The following HDAC9 variants were observed in gnomAD, a reference collection of about 807,000 sequenced individuals.
HDAC9 encodes MEF-2 interacting transcription repressor (MITR) protein.
In HDAC9, 41 loss-of-function variants were observed where a neutral mutation model predicts 139.4. That is an observed-to-expected ratio of 0.29 (90% confidence interval 0.23 to 0.38). The LOEUF (loss-of-function observed/expected upper bound fraction) is 0.38, where lower values mean the gene tolerates loss of function less well. Among genes scored for constraint, HDAC9 ranks in the 10% least tolerant of loss-of-function variants. The pLI, the probability that HDAC9 is intolerant of heterozygous loss-of-function variation, is 1.00. For synonymous variants in HDAC9, 517 were observed against 476.2 expected, an observed-to-expected ratio of 1.09 and a Z score of -1.12; for missense variants, 1,147 against 1,297.0, an observed-to-expected ratio of 0.88 and a Z score of 1.78.
chr7:18,901,929 C>G (rs1215867939), intron 22 of HDAC9, among the ~76,000 whole-genome samples: 1 of 152,182 alleles, frequency 6.6e-6, no homozygotes, highest in Non-Finnish European at 1.5e-5. Flanking sequence ...CAAGTTTTGT[C>G]TGGCCTTACC....
intron 21 of HDAC9, among the ~76,000 whole-genome samples, chr7:18,854,783 A>G (rs1171977412): frequency 1.3e-5 from 2 of 152,154 alleles, no homozygotes; most frequent in African/African-American, 4.8e-5. Context: ...AAAAAAACAA[A>G]AATAGTAAAT....
chr7:18,957,100 G>T (rs1472593538), intron 24 of HDAC9, among the ~76,000 whole-genome samples: 1 of 151,690 alleles, frequency 6.6e-6, no homozygotes, highest in African/African-American at 2.4e-5. Context: ...AGTTGAGAGG[G>T]CTCTGAATAG....
At chr7:18,800,213 C>T (rs1239558479) in intron 17 of HDAC9, among the ~76,000 whole-genome samples, 2 of 152,304 alleles carry the variant, frequency 1.3e-5, no homozygotes, top group Middle Eastern at 6.8e-3. Context: ...TGTTTTACCC[C>T]ATTAGTCCAT....
At chr7:18,686,349 C>T (rs1196805335) in intron 12 of HDAC9, among the ~76,000 whole-genome samples, 1 of 151,948 alleles carries the variant, frequency 6.6e-6, no homozygotes, top group Non-Finnish European at 1.5e-5. Flanking sequence ...TGAAAAACTC[C>T]TATCAGTCAG....
chr7:18,694,400 T>G (rs1361794426), intron 12 of HDAC9, among the ~76,000 whole-genome samples: 2 of 152,206 alleles, frequency 1.3e-5, no homozygotes, highest in African/African-American at 4.8e-5. Context: ...CTATCTCATT[T>G]TCTTTAGGGT....
At chr7:18,384,919 C>G (rs1453977475) in intron 1 of HDAC9, among the ~76,000 whole-genome samples, 1 of 151,762 alleles carries the variant, frequency 6.6e-6, no homozygotes, top group East Asian at 1.9e-4. Context: ...AGACACATTT[C>G]TCCTGTGAAG....
rs971908755 is a variant in HDAC9, at chr7:18,718,404, T to C, written c.1732-9176T>C. On this transcript the variant is annotated intron_variant, in intron 12 of 25. Coordinates refer to ENST00000686413, the MANE Select transcript of HDAC9 (RefSeq NM_178425.4). Reference sequence around the variant, plus strand: ...ACGGTGCCACGCCTCGCTAATTTTTTTGCATTTTAGTAGAGACGGGGTTTC... The same window carrying C: ...ACGGTGCCACGCCTCGCTAATTTTTCTGCATTTTAGTAGAGACGGGGTTTC... Among the ~76,000 whole-genome samples the C allele has an allele frequency of 4.0e-5, 6 of 151,722 alleles. 1 individual carries two copies. The highest frequency in any genetic ancestry group is 3.9e-4 in the Admixed American group (6 of 15,232).
intron 2 of HDAC9, chr7:18,543,727 A>T (rs1813768796): frequency 6.6e-6 from 1 of 152,168 alleles, no homozygotes; most frequent in African/African-American, 2.4e-5. Context: ...GAGATGGAAT[A>T]TATTTTTTAA....
intron 23 of HDAC9, among the ~76,000 whole-genome samples, chr7:18,944,350 C>T (rs1360396671): frequency 6.6e-6 from 1 of 152,154 alleles, no homozygotes. Flanking sequence ...GGACTTTCAG[C>T]TTTCTTTGTA....
At chr7:18,116,678 T>C (rs1784010332) in intron 1 of HDAC9, among the ~76,000 whole-genome samples, 1 of 152,148 alleles carries the variant, frequency 6.6e-6, no homozygotes, top group African/African-American at 2.4e-5. Flanking sequence ...GTTGATTTAA[T>C]AAATCAACTC....
chr7:18,521,400 A>G (rs1168338372), intron 2 of HDAC9, among the ~76,000 whole-genome samples: 1 of 152,190 alleles, frequency 6.6e-6, no homozygotes, highest in African/African-American at 2.4e-5. Flanking sequence ...CCCAAGGGAG[A>G]TATCTCACTT....
At chr7:18,320,788 T>TGTG (rs1050160282) in intron 1 of HDAC9, among the ~76,000 whole-genome samples, 2 of 152,170 alleles carry the variant, frequency 1.3e-5, no homozygotes, top group African/African-American at 4.8e-5. Context: ...ACAATAGTGT[T>TGTG]GTGGAAAGAG....
At chr7:18,562,031 G>GC (rs2128710324) in intron 2 of HDAC9, among the ~76,000 whole-genome samples, 2 of 152,264 alleles carry the variant, frequency 1.3e-5, no homozygotes, top group East Asian at 3.9e-4. Flanking sequence ...CCATTCTAGT[G>GC]CATGTGAAGT....
chr7:18,381,505 T>G (rs1404069188), intron 1 of HDAC9, among the ~76,000 whole-genome samples: 4 of 151,914 alleles, frequency 2.6e-5, no homozygotes, highest in African/African-American at 9.7e-5. Context: ...AAATAAAAAC[T>G]AATCACTGAC....
intron 21 of HDAC9, among the ~76,000 whole-genome samples, chr7:18,866,748 G>T (rs1324450443): frequency 6.6e-6 from 1 of 152,128 alleles, no homozygotes; most frequent in African/African-American, 2.4e-5. Context: ...CCAAAGTTCT[G>T]GTCCTATGGG....
chr7:18,935,218 G>A (rs1374781782), intron 22 of HDAC9, among the ~76,000 whole-genome samples: 1 of 151,974 alleles, frequency 6.6e-6, no homozygotes, highest in Non-Finnish European at 1.5e-5. Flanking sequence ...AGGTAAAAAA[G>A]CAGATATTTG....
Position 18,449,857 on chromosome 7 carries a change from A to G in HDAC9, c.-41-46405A>G, listed in dbSNP as rs1395690609. ...GTTTGCAGTATCTCAGATAATGAAA[A>G]TCTCCAATTTATACCTCTGCTCTAT... is the stretch of plus-strand genomic sequence containing the variant. On this transcript the variant is annotated intron_variant, in intron 1 of 3. Coordinates refer to the HDAC9 transcript ENST00000413509. Among the ~76,000 whole-genome samples, 5 of 152,220 alleles carry G rather than the reference A, an allele frequency of 3.3e-5. No homozygotes were observed. The East Asian group carries it at 9.6e-4, about 29-fold the overall frequency.
At chr7:18,668,907 A>G (rs1795481126) in intron 12 of HDAC9, 2 of 982,076 alleles carry the variant, frequency 2.0e-6, no homozygotes, top group Non-Finnish European at 2.4e-6. Context: ...AAGCTTGCAC[A>G]CTAGATCTCA....
intron 1 of HDAC9, among the ~76,000 whole-genome samples, chr7:18,309,847 A>G (rs1799183844): frequency 6.6e-6 from 1 of 152,180 alleles, no homozygotes; most frequent in Non-Finnish European, 1.5e-5. Flanking sequence ...AAAATATGCT[A>G]TTATAATAAA....
Sources: gnomAD v4.1 joint callset for allele counts (sites outside exome capture counted in the v4.1 genomes callset) on GRCh38, gnomAD v4.1.1 for gene constraint, MANE v1.5 for transcripts, NCBI Gene and HGNC (gene_info 2026-07-23, HGNC 2026-07-21) for gene names.